Variants in SDK1 observed in about 807,000 individuals in gnomAD.
SDK1 encodes the protein protein sidekick-1.
Under a neutral mutation model 245.5 loss-of-function variants are expected in SDK1, and 157 were observed. The observed-to-expected ratio is 0.64, with a 90% CI of 0.56 to 0.73. The LOEUF is 0.73. Ranked by LOEUF, SDK1 falls within the 30% of genes least tolerant of loss-of-function variation. The probability of loss-of-function intolerance (pLI) is 0.00; values close to 1 mark genes in which losing one functional copy is unlikely to be tolerated. For synonymous variants in SDK1, 1,647 were observed against 1,278.5 expected, an observed-to-expected ratio of 1.29 and a Z score of -6.15; for missense variants, 3,583 against 3,002.3, an observed-to-expected ratio of 1.19 and a Z score of -4.52.
intron 38 of SDK1, among the ~76,000 whole-genome samples, chr7:4,215,022 A>G (rs1584463363): frequency 6.6e-6 from 1 of 152,158 alleles, no homozygotes. Flanking sequence ...CTGCCTGGGG[A>G]AGGCCCTCCT....
intron 1 of SDK1, among the ~76,000 whole-genome samples, chr7:3,427,461 G>T (rs1387396276): frequency 2.0e-5 from 3 of 150,382 alleles, no homozygotes; most frequent in African/African-American, 4.9e-5. Context: ...GGAGGTTGCA[G>T]TGAGCTGAGA....
chr7:3,792,308 C>G (rs1191083066), intron 4 of SDK1, among the ~76,000 whole-genome samples: 1 of 152,144 alleles, frequency 6.6e-6, no homozygotes, highest in Non-Finnish European at 1.5e-5. Flanking sequence ...ACCACAGACT[C>G]AACTGCATGT....
chr7:4,264,321 AG>A (rs1415490134), intron 44 of SDK1, among the ~76,000 whole-genome samples: 4 of 77,778 alleles, frequency 5.1e-5, no homozygotes, highest in Admixed American at 1.4e-4. Context: ...CTCCTGAGTG[AG>A]GGAGGCCGCG....
intron 32 of SDK1, among the ~76,000 whole-genome samples, 175 bp from the exon 33 acceptor site, chr7:4,174,047 G>A (rs1419459734): frequency 1.3e-5 from 2 of 152,212 alleles, no homozygotes; most frequent in Admixed American, 6.5e-5. Context: ...CCACAGCTTG[G>A]TGCTGTGCCC....
intron 1 of SDK1, among the ~76,000 whole-genome samples, chr7:3,472,368 G>A (rs1256982546): frequency 6.6e-6 from 1 of 151,262 alleles, no homozygotes; most frequent in African/African-American, 2.4e-5. Context: ...ATGCTATTAG[G>A]TGCTGTGAAG....
At chr7:4,210,293 T>C (rs997554131) in intron 38 of SDK1, 131 bp downstream of exon 38, 10 of 1,019,742 alleles carry the variant, frequency 9.8e-6, no homozygotes, top group Non-Finnish European at 1.3e-5. Context: ...TGGGGGGTTT[T>C]GGAATCTGAG....
chr7:3,551,826 C>G (rs548742492), intron 1 of SDK1, among the ~76,000 whole-genome samples: 28 of 152,166 alleles, frequency 1.8e-4, no homozygotes, highest in African/African-American at 6.5e-4. Flanking sequence ...CAGGCATGAG[C>G]CACTGCACCT....
intron 5 of SDK1, among the ~76,000 whole-genome samples, chr7:3,839,481 T>C (rs910616227): frequency 6.6e-6 from 1 of 152,180 alleles, no homozygotes; most frequent in African/African-American, 2.4e-5. Context: ...CAGAATGCTG[T>C]CGAGGAATTG....
At chr7:3,858,302 A>G (rs531248220) in intron 5 of SDK1, among the ~76,000 whole-genome samples, 58 of 152,152 alleles carry the variant, frequency 3.8e-4, no homozygotes, top group Non-Finnish European at 7.4e-4. Context: ...CTGTAATCCC[A>G]GCTACTCAGG....
intron 4 of SDK1, among the ~76,000 whole-genome samples, chr7:3,749,239 C>G (rs1779709354): frequency 6.6e-6 from 1 of 152,096 alleles, no homozygotes; most frequent in Non-Finnish European, 1.5e-5. Context: ...TGGTTTCAAG[C>G]AATTCTCCTG....
At chr7:3,342,641 T>G in intron 1 of SDK1, among the ~76,000 whole-genome samples, 1 of 151,932 alleles carries the variant, frequency 6.6e-6, no homozygotes, top group Non-Finnish European at 1.5e-5. Context: ...AAGCAATAAG[T>G]TCTTAGTCTT....
intron 17 of SDK1, among the ~76,000 whole-genome samples, chr7:4,040,902 G>A (rs934738813): frequency 2.1e-4 from 32 of 152,148 alleles, no homozygotes; most frequent in Non-Finnish European, 4.4e-4. Context: ...ACAGCTGCCG[G>A]CATTCACCTG....
chr7:4,143,028 C>T (rs955520501), intron 28 of SDK1, among the ~76,000 whole-genome samples: 33 of 152,234 alleles, frequency 2.2e-4, no homozygotes, highest in African/African-American at 7.5e-4. Context: ...GGGGGAACTC[C>T]GACCCAGGGA....
At chr7:3,476,152 GT>G (rs1169050122) in intron 1 of SDK1, 1 of 152,502 alleles carries the variant, frequency 6.6e-6, no homozygotes, top group East Asian at 1.9e-4. Flanking sequence ...CTCATGAAAG[GT>G]TTTGGAGAGC....
intron 5 of SDK1, among the ~76,000 whole-genome samples, chr7:3,938,176 C>T (rs753817957): frequency 6.6e-5 from 10 of 152,116 alleles, no homozygotes; most frequent in East Asian, 5.8e-4. Context: ...TGATCTGTTA[C>T]GTGGCTGGTT....
intron 4 of SDK1, among the ~76,000 whole-genome samples, chr7:3,787,146 TCACACACACACA>T (rs34838736): frequency 3.0e-4 from 42 of 137,744 alleles, no homozygotes; most frequent in East Asian, 2.8e-3. Flanking sequence ...AGTATTGAAA[TCACACACACACA>T]CACACACACA....
In SDK1 at chr7:4,049,816, C is replaced by T. The variant is rs144018579; in HGVS notation, c.2718+353C>T. On this transcript the variant is annotated intron_variant, in intron 18 of 44. Coordinates refer to ENST00000404826, the MANE Select transcript of SDK1 (RefSeq NM_152744.4). The stretch of plus-strand genomic sequence containing the variant: ...GGTCCTCTCAGGAGAACACAGGCCC[C>T]GAGCAAAGGGAATGGTGTGAGTGAT... 3.6e-3 allele frequency among the ~76,000 whole-genome samples: 551 copies of T among 152,252 alleles called. 6 individuals are homozygous for T. The South Asian group carries it at 0.039, about 11-fold the overall frequency.
chr7:3,322,263 T>C (rs1779836586), intron 1 of SDK1, among the ~76,000 whole-genome samples: 1 of 152,194 alleles, frequency 6.6e-6, no homozygotes, highest in South Asian at 2.1e-4. Context: ...GTCTGGCTGC[T>C]TTTGCCTGGT....
At chr7:3,770,501 G>GT (rs1715242465) in intron 4 of SDK1, among the ~76,000 whole-genome samples, 1 of 152,192 alleles carries the variant, frequency 6.6e-6, no homozygotes, top group African/African-American at 2.4e-5. Context: ...GTAGCTATAT[G>GT]TTTAGTTTCC....
Sources: gnomAD v4.1 joint callset for allele counts (sites outside exome capture counted in the v4.1 genomes callset) on GRCh38, gnomAD v4.1.1 for gene constraint, MANE v1.5 for transcripts, NCBI Gene and HGNC (gene_info 2026-07-23, HGNC 2026-07-21) for gene names.